The following WDR7 variants were observed in gnomAD, a reference collection of about 807,000 sequenced individuals.
The protein encoded by WDR7 is WD repeat-containing protein 7.
WDR7 carries 46 observed loss-of-function variants against 169.4 expected under a neutral mutation model. The ratio of observed to expected loss-of-function variants is 0.27; its 90% CI spans 0.21 to 0.35. The LOEUF (loss-of-function observed/expected upper bound fraction) is 0.35, where lower values mean the gene tolerates loss of function less well. Among genes scored for constraint, WDR7 ranks in the 10% least tolerant of loss-of-function variants. The probability of loss-of-function intolerance (pLI) is 1.00; values close to 1 mark genes in which losing one functional copy is unlikely to be tolerated. For missense variants in WDR7, 1,534 were observed against 1,859.3 expected, an observed-to-expected ratio of 0.83 and a Z score of 3.22; for synonymous variants, 612 against 666.8, an observed-to-expected ratio of 0.92 and a Z score of 1.27.
At chr18:56,750,184 A>G (rs1413797301) in intron 14 of WDR7, among the ~76,000 whole-genome samples, 4 of 152,156 alleles carry the variant, frequency 2.6e-5, no homozygotes, top group South Asian at 2.1e-4. Flanking sequence ...GCAATGAGGA[A>G]GCAATCCAAT....
intron 26 of WDR7, among the ~76,000 whole-genome samples, chr18:56,970,118 C>T (rs1052495999): frequency 4.6e-5 from 7 of 152,018 alleles, no homozygotes; most frequent in African/African-American, 1.7e-4. Context: ...ATTATTTAAC[C>T]ATCGGTTTAA....
At chr18:56,964,474 CA>C (rs1363336145) in intron 26 of WDR7, among the ~76,000 whole-genome samples, 1 of 152,032 alleles carries the variant, frequency 6.6e-6, no homozygotes, top group East Asian at 1.9e-4. Flanking sequence ...AGGGTTCAAG[CA>C]ATTCTCAGTT....
intron 19 of WDR7, among the ~76,000 whole-genome samples, chr18:56,791,131 A>C (rs2044478791): frequency 6.6e-6 from 1 of 152,044 alleles, no homozygotes; most frequent in African/African-American, 2.4e-5. Flanking sequence ...CCATGCTATA[A>C]TCACAGGGTT....
intron 1 of WDR7, among the ~76,000 whole-genome samples, chr18:56,667,424 T>A (rs2144496299): frequency 6.6e-6 from 1 of 152,336 alleles, no homozygotes; most frequent in East Asian, 1.9e-4. Flanking sequence ...TCAAAAAGTT[T>A]GAGCATGTTG....
chr18:56,701,220 A>G (rs1205249648), intron 12 of WDR7, among the ~76,000 whole-genome samples: 1 of 152,240 alleles, frequency 6.6e-6, no homozygotes, highest in African/African-American at 2.4e-5. Flanking sequence ...ATAGGTACCC[A>G]GAGAAACAAG....
chr18:56,793,518 A>T (rs1355653609), intron 19 of WDR7, among the ~76,000 whole-genome samples: 1 of 152,208 alleles, frequency 6.6e-6, no homozygotes, highest in Non-Finnish European at 1.5e-5. Flanking sequence ...TAGAAAGCAC[A>T]CTAGTTGAGT....
At chr18:56,955,110 G>T (rs1279141612) in intron 25 of WDR7, among the ~76,000 whole-genome samples, 1 of 152,116 alleles carries the variant, frequency 6.6e-6, no homozygotes, top group Admixed American at 6.6e-5. Flanking sequence ...ACAATAATGG[G>T]ATGTAAAGTA....
At chr18:56,676,066 A>G (rs1033223099) in intron 2 of WDR7, among the ~76,000 whole-genome samples, 1 of 152,036 alleles carries the variant, frequency 6.6e-6, no homozygotes, top group Non-Finnish European at 1.5e-5. Context: ...GTGCTGGGTG[A>G]ATATATATTT....
chr18:56,941,456 G>T (rs2047034509), intron 25 of WDR7, among the ~76,000 whole-genome samples: 1 of 152,118 alleles, frequency 6.6e-6, no homozygotes, highest in Non-Finnish European at 1.5e-5. Context: ...GGATAATTAG[G>T]GGTGTGTCAT....
At chr18:56,652,306 G>A (rs112494828) in intron 1 of WDR7, among the ~76,000 whole-genome samples, 331 of 152,276 alleles carry the variant, frequency 2.2e-3, no homozygotes, top group African/African-American at 7.6e-3. Context: ...TGAATTTAGG[G>A]TTCGGTCAGT....
Position 56,924,074 on chromosome 18 carries a change from G to C in WDR7, c.3679G>C (p.Glu1227Gln), listed in dbSNP as rs142736126. ...GTCCGCTGTTCTGATGGGGCTTCTCGAACTTTGTGCCGATGCCGAGAAACA... is the reference window on the plus strand; with the variant it reads ...GTCCGCTGTTCTGATGGGGCTTCTCCAACTTTGTGCCGATGCCGAGAAACA... ...DVSAVLMGLL[E>Q]LCADAEKQLA... Residue 1227 changes from glutamate (E) to glutamine (Q), a missense_variant, in exon 22 of 28, where the codon GAA becomes CAA. Coordinates refer to ENST00000254442, the MANE Select transcript of WDR7 (RefSeq NM_015285.3). 32 of 1,612,694 alleles carry C rather than the reference G, an allele frequency of 2.0e-5. No individual in the cohort carries two copies. Among genetic ancestry groups the C allele is most frequent in the Non-Finnish European group, 2.6e-5 (31 of 1,179,622 alleles).
intron 20 of WDR7, 25 bp from the exon 21 acceptor site, chr18:56,879,919 T>G: frequency 2.0e-4 from 307 of 1,541,308 alleles, no homozygotes; most frequent in Non-Finnish European, 2.5e-4. Context: ...TGTTCTAAGT[T>G]GAGATTCTAT....
intron 4 of WDR7, among the ~76,000 whole-genome samples, chr18:56,682,024 TA>T (rs2025359366): frequency 6.6e-6 from 1 of 152,220 alleles, no homozygotes; most frequent in African/African-American, 2.4e-5. Flanking sequence ...ATATTAAAAA[TA>T]TGATCAATTA....
intron 21 of WDR7, among the ~76,000 whole-genome samples, chr18:56,910,312 T>C (rs1225619475): frequency 6.6e-6 from 1 of 152,170 alleles, no homozygotes; most frequent in Non-Finnish European, 1.5e-5. Context: ...GTAGCTTCTA[T>C]AGATATGAAT....
intron 12 of WDR7, among the ~76,000 whole-genome samples, chr18:56,699,091 T>C (rs2144656476): frequency 6.6e-6 from 1 of 152,332 alleles, no homozygotes; most frequent in East Asian, 1.9e-4. Flanking sequence ...AAATTCTTAT[T>C]CAAAAGTCCT....
chr18:56,755,447 A>C (rs1386617708), intron 14 of WDR7, among the ~76,000 whole-genome samples: 1 of 152,234 alleles, frequency 6.6e-6, no homozygotes, highest in Non-Finnish European at 1.5e-5. Context: ...GTAAGAGACC[A>C]GGGACAGTGA....
At chr18:56,924,380 A>T (rs1410537127) in intron 22 of WDR7, among the ~76,000 whole-genome samples, 1 of 152,204 alleles carries the variant, frequency 6.6e-6, no homozygotes, top group African/African-American at 2.4e-5. Context: ...TTACTCACTA[A>T]TAATAGTATA....
chr18:56,779,437 G>A lies in WDR7; in HGVS notation c.2954G>A (p.Ser985Asn). Residue 985 changes from serine (S) to asparagine (N), a missense_variant, in exon 18 of 28, where the codon AGT (serine) becomes AAT (asparagine). By Grantham distance (46) the Ser-to-Asn change is conservative. Transcript: ENST00000254442. The part of the protein sequence containing the change: ...HTCFLVNEGW[S>N]QLAAMHCVML... ...TATATTACATTTTTGACAGGTTGGA[G>A]TCAGTTAGCTGCTATGCACTGTGTT... The A allele has an allele frequency of 6.2e-7, 1 of 1,602,802 alleles. No individual in the cohort carries two copies. Among genetic ancestry groups the A allele is most frequent in the East Asian group, 2.2e-5 (1 of 44,478 alleles).
chr18:56,829,621 A>G (rs2045273442), intron 20 of WDR7, among the ~76,000 whole-genome samples: 1 of 152,180 alleles, frequency 6.6e-6, no homozygotes, highest in African/African-American at 2.4e-5. Context: ...ATAACAAAAG[A>G]CAGTTATTGA....
Sources: gnomAD v4.1 joint callset for allele counts (sites outside exome capture counted in the v4.1 genomes callset) on GRCh38, gnomAD v4.1.1 for gene constraint, MANE v1.5 for transcripts, NCBI Gene and HGNC (gene_info 2026-07-23, HGNC 2026-07-21) for gene names.